Variants in SPTBN1 observed in about 807,000 individuals in gnomAD.
The protein encoded by SPTBN1 is spectrin beta, non-erythrocytic 1, also known as spectrin beta chain, non-erythrocytic 1.
In SPTBN1, 32 loss-of-function variants were observed where a neutral mutation model predicts 266.4. The ratio of observed to expected loss-of-function variants is 0.12; its 90% CI spans 0.09 to 0.16. The LOEUF is 0.16. SPTBN1 is among the 10% of genes least tolerant of loss of function. The pLI is 1.00. For synonymous variants in SPTBN1, 1,336 were observed against 1,162.2 expected, an observed-to-expected ratio of 1.15 and a Z score of -3.04; for missense variants, 2,296 against 3,067.1, an observed-to-expected ratio of 0.75 and a Z score of 5.94.
At position 54,616,317 on chromosome 2, in the gene SPTBN1, G is replaced by T. The variant is rs745853709; in HGVS notation, c.566+19G>T. The T allele has an allele frequency of 1.9e-6, 3 of 1,609,500 alleles. No homozygotes were observed. Among genetic ancestry groups the T allele is most frequent in the Admixed American group, 1.7e-5 (1 of 59,924 alleles). On this transcript the variant is annotated intron_variant, in intron 5 of 35. Transcript: ENST00000356805. ...CAGCTGGGTGAGTGTGAATGAAGAG[G>T]GTATTGGGGCTGCTTCTTCCAGGAC...
At chr2:54,512,717 G>C (rs1392795846) in intron 1 of SPTBN1, among the ~76,000 whole-genome samples, 1 of 152,176 alleles carries the variant, frequency 6.6e-6, no homozygotes, top group Non-Finnish European at 1.5e-5. Flanking sequence ...AGAGAAGGTT[G>C]TTCCTGTGTA....
chr2:54,485,956 A>G (rs867246631), intron 1 of SPTBN1, among the ~76,000 whole-genome samples: 87 of 144,420 alleles, frequency 6.0e-4, no homozygotes, highest in Admixed American at 3.6e-3. Context: ...CTGCCTGGCA[A>G]CCACCCCGTC....
chr2:54,623,881 A>G (rs1020558787), intron 10 of SPTBN1, among the ~76,000 whole-genome samples: 2 of 152,226 alleles, frequency 1.3e-5, no homozygotes, highest in South Asian at 4.1e-4. Flanking sequence ...TTCTCATCTG[A>G]GGCAATTGTT....
chr2:54,584,923 G>A (rs528116064), intron 2 of SPTBN1, among the ~76,000 whole-genome samples: 8 of 152,214 alleles, frequency 5.3e-5, no homozygotes, highest in African/African-American at 7.2e-5. Context: ...AAAGGCTTGC[G>A]TGTAGGGACA....
chr2:54,615,537 T>A (rs1400088043), intron 4 of SPTBN1, among the ~76,000 whole-genome samples: 1 of 152,228 alleles, frequency 6.6e-6, no homozygotes, highest in Non-Finnish European at 1.5e-5. Flanking sequence ...ATTATATCAT[T>A]TAAGTGCATA....
At position 54,623,563 on chromosome 2, in the gene SPTBN1, C is replaced by A. The variant is rs372933487; in HGVS notation, c.1149C>A (p.Pro383=). ...CCAACAACCAGAAGGTCTACATGCC[C>A]CGGGAGGGGAAGCTCATCTCTGACA... The part of the protein sequence containing the change: ...MRANNQKVYM[P]REGKLISDIN... The change falls in exon 10 of 36, where the codon CCC becomes CCA. Residue 383 remains proline, a synonymous_variant. Coordinates refer to ENST00000356805, the MANE Select transcript of SPTBN1 (RefSeq NM_003128.3). The A allele has an allele frequency of 1.5e-5, 24 of 1,613,950 alleles. No individual in the cohort carries two copies. The highest frequency in any genetic ancestry group is 1.8e-5 in the Non-Finnish European group (21 of 1,179,990).
chr2:54,521,985 C>G (rs1328714941), intron 1 of SPTBN1, among the ~76,000 whole-genome samples: 1 of 152,042 alleles, frequency 6.6e-6, no homozygotes, highest in African/African-American at 2.4e-5. Flanking sequence ...GCAACCTCCA[C>G]CTCCCTGGCT....
rs1679755135 is a variant in SPTBN1, at chr2:54,644,005, AT to A, written c.4006-317del. 7.2e-5 allele frequency among the ~76,000 whole-genome samples: 11 copies of A among 151,938 alleles called. No homozygotes were observed. The South Asian group carries it at 1.5e-3, about 20-fold the overall frequency. The stretch of plus-strand genomic sequence containing the variant: ...AACAATAATAATAATAATAATAATA[AT>A]AATAATGTGTTGTATATCATCTTTG... On this transcript the variant is annotated intron_variant, in intron 19 of 35. Transcript: ENST00000356805.
At chr2:54,505,906 C>T (rs997799720) in intron 1 of SPTBN1, among the ~76,000 whole-genome samples, 2 of 151,904 alleles carry the variant, frequency 1.3e-5, no homozygotes, top group African/African-American at 4.8e-5. Context: ...GGGCGGATCT[C>T]GAGGTCAGGA....
chr2:54,651,319 T>C (rs558418715), intron 26 of SPTBN1, among the ~76,000 whole-genome samples: 2 of 152,254 alleles, frequency 1.3e-5, no homozygotes, highest in African/African-American at 2.4e-5. Flanking sequence ...ACATCCAGGG[T>C]GGGAATCTCG....
intron 1 of SPTBN1, among the ~76,000 whole-genome samples, chr2:54,456,840 C>T (rs1427514564): frequency 2.0e-5 from 3 of 151,328 alleles, no homozygotes; most frequent in East Asian, 1.9e-4. Flanking sequence ...CGCGGCGCGG[C>T]GATTCCTCCT....
chr2:54,583,309 T>C (rs1675072357), intron 2 of SPTBN1, among the ~76,000 whole-genome samples: 1 of 152,184 alleles, frequency 6.6e-6, no homozygotes, highest in African/African-American at 2.4e-5. Flanking sequence ...CTGTAAACTC[T>C]TTCTGCTTCT....
At chr2:54,599,986 A>G (rs545718688) in intron 3 of SPTBN1, among the ~76,000 whole-genome samples, 5 of 152,338 alleles carry the variant, frequency 3.3e-5, no homozygotes, top group African/African-American at 1.2e-4. Context: ...GAGCACATGT[A>G]GTGCCATAGG....
chr2:54,666,990 T>A (rs1681412798), intron 34 of SPTBN1, among the ~76,000 whole-genome samples: 1 of 152,202 alleles, frequency 6.6e-6, no homozygotes, highest in Non-Finnish European at 1.5e-5. Flanking sequence ...TCATGCAGCT[T>A]CAGAGAGCTG....
chr2:54,575,760 G>A (rs1475325001), intron 2 of SPTBN1, among the ~76,000 whole-genome samples: 9 of 152,294 alleles, frequency 5.9e-5, no homozygotes, highest in African/African-American at 9.6e-5. Context: ...GCTCAGTTTC[G>A]ATGTATCGGG....
intron 26 of SPTBN1, among the ~76,000 whole-genome samples, chr2:54,651,233 T>A (rs1270620884): frequency 6.6e-6 from 1 of 151,986 alleles, no homozygotes; most frequent in Admixed American, 6.6e-5. Flanking sequence ...GACAGTGGAG[T>A]TGCTCTCTCA....
At chr2:54,603,362 C>G (rs1237382054) in intron 3 of SPTBN1, among the ~76,000 whole-genome samples, 1 of 152,258 alleles carries the variant, frequency 6.6e-6, no homozygotes, top group African/African-American at 2.4e-5. Flanking sequence ...GGTAACTTCC[C>G]TATCACTTGT....
At chr2:54,607,435 C>T (rs895932195) in intron 3 of SPTBN1, among the ~76,000 whole-genome samples, 3 of 152,188 alleles carry the variant, frequency 2.0e-5, no homozygotes, top group African/African-American at 4.8e-5. Context: ...CCAGCTTGGC[C>T]AACATGGTGA....
intron 19 of SPTBN1, among the ~76,000 whole-genome samples, chr2:54,643,624 TC>T (rs933981537): frequency 2.6e-5 from 4 of 151,782 alleles, no homozygotes; most frequent in African/African-American, 7.2e-5. Flanking sequence ...GAATATGGAG[TC>T]CCCCCCTTCC....
Sources: gnomAD v4.1 joint callset for allele counts (sites outside exome capture counted in the v4.1 genomes callset) on GRCh38, gnomAD v4.1.1 for gene constraint, MANE v1.5 for transcripts, NCBI Gene and HGNC (gene_info 2026-07-23, HGNC 2026-07-21) for gene names.